LCN2: variants seen among roughly 807,000 people sequenced by gnomAD.
LCN2 encodes lipocalin 2.
A neutral mutation model predicts 26.4 loss-of-function variants in LCN2; 27 were observed. That is an observed-to-expected ratio of 1.02 (90% CI 0.76 to 1.41). LCN2 has a LOEUF of 1.41. Ranked by LOEUF, LCN2 falls within the 40% of genes most tolerant of loss-of-function variation. The pLI is 0.00. For missense variants in LCN2, 224 were observed against 237.6 expected, an observed-to-expected ratio of 0.94 and a Z score of 0.38; for synonymous variants, 94 against 98.9, an observed-to-expected ratio of 0.95 and a Z score of 0.30.
Position 128,153,214 on chromosome 9 carries a change from C to T in LCN2, c.*7+88C>T. 1 of 1,493,698 alleles carries T rather than the reference C, an allele frequency of 6.7e-7. No homozygotes were observed. Among genetic ancestry groups the T allele is most frequent in the Non-Finnish European group, 9.3e-7 (1 of 1,075,032 alleles). 92.5% of individuals were successfully genotyped at this position (1,493,698 alleles called of 1,614,324 possible). A position where few individuals can be genotyped will look rare whatever the true frequency, so the allele number is the denominator to read the frequency against. ...TCTTGGGCCTGCCTTTGCTCATCCC[C>T]CTGCCCCCCAGCACTGCTGCTGTCT... On this transcript the variant is annotated intron_variant, in intron 6 of 6. Transcript: ENST00000277480. This position sits in a 1 kb window ranked among gnomAD's most constrained non-coding sequence, Gnocchi z 5.4.
chr9:128,150,573 A>T (rs748900346), intron 2 of LCN2, 199 bp downstream of exon 2: 17 of 739,946 alleles, frequency 2.3e-5, no homozygotes, highest in Non-Finnish European at 4.1e-5. Flanking sequence ...ATGGACATGC[A>T]CAGTCGTTAG....
chr9:128,150,690 C>A, intron 2 of LCN2: 1 of 538,040 alleles, frequency 1.9e-6, no homozygotes, highest in Non-Finnish European at 3.6e-6. Context: ...AGGGAGGTGG[C>A]CTTAAAAGAG....
Position 128,151,637 on chromosome 9 carries a change from G to A in LCN2, c.276-1G>A. On this transcript the variant is annotated splice_acceptor_variant, in intron 2 of 6. Coordinates refer to ENST00000277480, the MANE Select transcript of LCN2 (RefSeq NM_005564.5). LOFTEE classifies it high-confidence loss of function. Reference sequence around the variant, plus strand: ...TCACCCACCCATCTCTCCCTCCCAAGGAAAAAGAAGTGTGACTACTGGATC... The same window carrying A: ...TCACCCACCCATCTCTCCCTCCCAAAGAAAAAGAAGTGTGACTACTGGATC... 6.2e-7 allele frequency: 1 copy of A among 1,613,924 alleles called. No homozygotes were observed. The highest frequency in any genetic ancestry group is 8.5e-7 in the Non-Finnish European group (1 of 1,179,798).
At position 128,153,199 on chromosome 9, in the gene LCN2, G is replaced by C; in HGVS notation, c.*7+73G>C. The C allele has an allele frequency of 6.4e-7, 1 of 1,570,542 alleles. No individual in the cohort carries two copies. The highest frequency in any genetic ancestry group is 1.7e-5 in the Admixed American group (1 of 59,928). On this transcript the variant is annotated intron_variant, in intron 6 of 6. Transcript: ENST00000277480. The surrounding 1 kb of genome is among the most constrained non-coding windows in gnomAD (Gnocchi z 5.4). ...GCAGTGGGCTGGGGGTCTTGGGCCT[G>C]CCTTTGCTCATCCCCCTGCCCCCCA... is the stretch of plus-strand genomic sequence containing the variant.
rs879165357 is a variant in LCN2, at chr9:128,153,304, T to A, written c.*8-7T>A. On this transcript the variant is annotated splice_region_variant and splice_polypyrimidine_tract_variant and intron_variant, in intron 6 of 6. Coordinates refer to ENST00000277480, the MANE Select transcript of LCN2 (RefSeq NM_005564.5). The surrounding 1 kb of genome is among the most constrained non-coding windows in gnomAD (Gnocchi z 5.4). ...CACCCATCACCCTCATATCCACCTC[T>A]GTCCAGGGTGCCGCCAGCTGCCGCA... is the stretch of plus-strand genomic sequence containing the variant. The A allele has an allele frequency of 9.7e-6, 7 of 719,878 alleles. No individual in the cohort carries two copies. Among genetic ancestry groups the A allele is most frequent in the Admixed American group, 4.5e-5 (2 of 44,362 alleles). 44.6% of individuals were successfully genotyped at this position (719,878 alleles called of 1,614,324 possible).
chr9:128,152,632 C>T (rs1829148240), intron 5 of LCN2, among the ~76,000 whole-genome samples: 1 of 152,162 alleles, frequency 6.6e-6, no homozygotes, highest in Admixed American at 6.5e-5. Flanking sequence ...GGCCATCTCC[C>T]CCGACCCTCC....
chr9:128,150,570 T>C (rs755595656), intron 2 of LCN2, 196 bp downstream of exon 2: 12 of 744,290 alleles, frequency 1.6e-5, no homozygotes, highest in African/African-American at 1.4e-4. Flanking sequence ...GGGATGGACA[T>C]GCACAGTCGT....
chr9:128,153,354 C>T lies in LCN2; in HGVS notation c.*51C>T, dbSNP rs531790705. The T allele has an allele frequency of 1.7e-5, 10 of 594,708 alleles. No homozygotes were observed. The African/African-American group carries it at 1.9e-4, about 11-fold the overall frequency. The allele number at this position is 594,708 out of a possible 1,614,324, so 36.8% of individuals were successfully genotyped here. A position where few individuals can be genotyped will look rare whatever the true frequency, so the allele number is the denominator to read the frequency against. ...ACCAGCCCGAACACCATTGAGGGAGCTGGGAGACCCTCCCCACAGTGCCAC... is the reference window on the plus strand; with the variant it reads ...ACCAGCCCGAACACCATTGAGGGAGTTGGGAGACCCTCCCCACAGTGCCAC... On this transcript the variant is annotated 3_prime_UTR_variant, in exon 7 of 7. Transcript: ENST00000277480. The surrounding 1 kb of genome is among the most constrained non-coding windows in gnomAD (Gnocchi z 5.4).
chr9:128,149,595 A>G lies in LCN2; in HGVS notation c.70A>G (p.Thr24Ala), dbSNP rs549790166. 1.9e-5 allele frequency: 30 copies of G among 1,613,452 alleles called. No individual in the cohort carries two copies. The African/African-American group carries it at 3.5e-4, about 19-fold the overall frequency. ...TCTGCATGCCCAGGCCCAGGACTCC[A>G]CCTCAGACCTGATCCCAGCCCCACC... ...GALHAQAQDS[T>A]SDLIPAPPLS... is the part of the protein sequence containing the mutation. The change falls in exon 1 of 7, where the codon ACC becomes GCC. Residue 24 changes from threonine to alanine, a missense_variant. Coordinates refer to ENST00000277480, the MANE Select transcript of LCN2 (RefSeq NM_005564.5).
intron 5 of LCN2, 152 bp from the exon 6 acceptor site, chr9:128,152,948 A>G: frequency 9.5e-7 from 1 of 1,048,758 alleles, no homozygotes; most frequent in East Asian, 2.4e-5. Context: ...CATCTCTGAA[A>G]GGAACCCCCA....
Position 128,153,207 on chromosome 9 carries a change from T to C in LCN2, c.*7+81T>C. On this transcript the variant is annotated intron_variant, in intron 6 of 6. Coordinates refer to ENST00000277480, the MANE Select transcript of LCN2 (RefSeq NM_005564.5). This position sits in a 1 kb window ranked among gnomAD's most constrained non-coding sequence, Gnocchi z 5.4. The stretch of plus-strand genomic sequence containing the variant: ...CTGGGGGTCTTGGGCCTGCCTTTGC[T>C]CATCCCCCTGCCCCCCAGCACTGCT... 1 of 1,532,454 alleles carries C rather than the reference T, an allele frequency of 6.5e-7. No homozygotes were observed. The highest frequency in any genetic ancestry group is 1.7e-5 in the Admixed American group (1 of 59,788). 94.9% of individuals were successfully genotyped at this position (1,532,454 alleles called of 1,614,324 possible). A position where few individuals can be genotyped will look rare whatever the true frequency, so the allele number is the denominator to read the frequency against.
chr9:128,152,009 C>T lies in LCN2; in HGVS notation c.459C>T (p.Phe153=), dbSNP rs761607932. ...FKKVSQNREY[F]KITLYGRTKE... ...AAGTTTCTCAAAACAGGGAGTACTT[C>T]AAGATCACCCTCTACGGTGGGTCCT... The change falls in exon 4 of 7, where the codon TTC becomes TTT. Residue 153 remains phenylalanine, a synonymous_variant. Coordinates refer to ENST00000277480, the MANE Select transcript of LCN2 (RefSeq NM_005564.5). The T allele has an allele frequency of 3.1e-6, 5 of 1,614,030 alleles. No homozygotes were observed. Among genetic ancestry groups the T allele is most frequent in the Non-Finnish European group, 4.2e-6 (5 of 1,180,000 alleles).
intron 2 of LCN2, chr9:128,151,299 A>C (rs1835003463): frequency 1.8e-6 from 1 of 546,984 alleles, no homozygotes; most frequent in Non-Finnish European, 3.3e-6. Context: ...GCAGGGGAGA[A>C]ATGCAGGGTT....
intron 1 of LCN2, among the ~76,000 whole-genome samples, chr9:128,150,037 C>T (rs1273981501): frequency 6.6e-6 from 1 of 152,062 alleles, no homozygotes; most frequent in African/African-American, 2.4e-5. Flanking sequence ...TCAGAACCGC[C>T]TCTTCCCCCA....
chr9:128,151,405 G>C (rs897702208), intron 2 of LCN2: 2 of 606,758 alleles, frequency 3.3e-6, no homozygotes, highest in African/African-American at 1.9e-5. Context: ...GTGGGGTCCA[G>C]GGGCCCCAGG....
intron 2 of LCN2, among the ~76,000 whole-genome samples, chr9:128,151,019 G>A (rs1203020229): frequency 6.6e-6 from 1 of 152,212 alleles, no homozygotes; most frequent in African/African-American, 2.4e-5. Context: ...GCAGGGTGAA[G>A]AGGCAGGGAG....
intron 2 of LCN2, 43 bp downstream of exon 2, chr9:128,150,417 G>A (rs761902587): frequency 5.0e-6 from 8 of 1,613,914 alleles, no homozygotes; most frequent in Middle Eastern, 1.7e-4. Context: ...TCAGACTGAC[G>A]TCACAGGCAA....
intron 5 of LCN2, 144 bp from the exon 6 acceptor site, chr9:128,152,956 C>T (rs1234381231): frequency 1.8e-6 from 2 of 1,115,606 alleles, no homozygotes; most frequent in African/African-American, 1.5e-5. Flanking sequence ...AAAGGAACCC[C>T]CATATCTTCT....
At chr9:128,152,448 T>TGGGG in intron 5 of LCN2, 164 bp downstream of exon 5, 2 of 644,214 alleles carry the variant, frequency 3.1e-6, no homozygotes, top group Non-Finnish European at 5.4e-6. Context: ...CCAGGAAGAC[T>TGGGG]GTGCCCCACC....
Sources: allele counts gnomAD v4.1 joint callset (sites outside exome capture counted in the v4.1 genomes callset), GRCh38; gene constraint gnomAD v4.1.1; non-coding constraint Gnocchi (gnomAD v3.1); transcripts MANE v1.5; gene names NCBI Gene and HGNC (gene_info 2026-07-23, HGNC 2026-07-21).